The following TNFRSF10B variants were observed in gnomAD, a reference collection of about 807,000 sequenced individuals.
TNFRSF10B encodes tumor necrosis factor receptor superfamily member 10B.
Under a neutral mutation model 41.4 loss-of-function variants are expected in TNFRSF10B, and 35 were observed. The observed-to-expected ratio is 0.85, with a 90% CI of 0.65 to 1.12. TNFRSF10B has a LOEUF of 1.12. Ranked by LOEUF, TNFRSF10B falls within the 50% of genes most tolerant of loss-of-function variation. TNFRSF10B has a pLI of 0.00. For synonymous variants in TNFRSF10B, 230 were observed against 215.5 expected, an observed-to-expected ratio of 1.07 and a Z score of -0.59; for missense variants, 584 against 552.7, an observed-to-expected ratio of 1.06 and a Z score of -0.57.
At chr8:23,061,453 G>A (rs1326687023) in intron 1 of TNFRSF10B, among the ~76,000 whole-genome samples, 1 of 151,886 alleles carries the variant, frequency 6.6e-6, no homozygotes, top group Non-Finnish European at 1.5e-5. Flanking sequence ...AAATCTTTTG[G>A]ATTTTTTACC....
At chr8:23,027,945 AAAAC>A (rs535988088) in intron 5 of TNFRSF10B, 192 bp from the exon 6 acceptor site, 66 of 660,572 alleles carry the variant, frequency 1.0e-4, no homozygotes, top group Non-Finnish European at 1.4e-4. Context: ...AACTAGAGTA[AAAAC>A]AAACACTTGG....
chr8:23,022,416 C>A lies in TNFRSF10B; in HGVS notation c.*255G>T. 1 of 622,574 alleles carries A rather than the reference C, an allele frequency of 1.6e-6. No individual in the cohort carries two copies. 38.6% of individuals were successfully genotyped at this position (622,574 alleles called of 1,614,324 possible). ...AACAATGACATCCCAAACCAAATCT[C>A]AAAGTACGCACAAACGGAATGATCC... On this transcript the variant is annotated 3_prime_UTR_variant, in exon 9 of 9. Transcript: ENST00000276431.
At chr8:23,051,957 T>G (rs545856394) in intron 1 of TNFRSF10B, among the ~76,000 whole-genome samples, 3 of 152,206 alleles carry the variant, frequency 2.0e-5, no homozygotes, top group South Asian at 2.1e-4. Flanking sequence ...AATTATAAAC[T>G]AAGTTAATAA....
chr8:23,025,218 A>AGCTTTGT (rs1811667304), intron 7 of TNFRSF10B, among the ~76,000 whole-genome samples: 1 of 152,170 alleles, frequency 6.6e-6, no homozygotes. Flanking sequence ...AGAAGACCCA[A>AGCTTTGT]AATGCAAAGA....
chr8:23,030,891 G>T lies in TNFRSF10B; in HGVS notation c.251-19C>A. On this transcript the variant is annotated intron_variant, in intron 2 of 8. Transcript: ENST00000276431. ...TGGTGTCCTGGGAGGGGAGAGAAAA[G>T]CCGGTGAATGAAATGCCACAGGATT... The T allele has an allele frequency of 6.4e-7, 1 of 1,573,268 alleles. No homozygotes were observed. Among genetic ancestry groups the T allele is most frequent in the Non-Finnish European group, 8.7e-7 (1 of 1,150,886 alleles).
At chr8:23,051,672 G>A (rs369266579) in intron 1 of TNFRSF10B, among the ~76,000 whole-genome samples, 2 of 151,932 alleles carry the variant, frequency 1.3e-5, no homozygotes, top group East Asian at 3.9e-4. Flanking sequence ...AGCCTCCCGA[G>A]TAGCTGGGAC....
At chr8:23,031,504 C>A (rs191653555) in intron 2 of TNFRSF10B, among the ~76,000 whole-genome samples, 1 of 152,038 alleles carries the variant, frequency 6.6e-6, no homozygotes, top group South Asian at 2.1e-4. Context: ...CCCTCTCCCC[C>A]CGACCCACAA....
intron 7 of TNFRSF10B, among the ~76,000 whole-genome samples, chr8:23,026,681 A>T (rs1323188912): frequency 6.6e-6 from 1 of 152,242 alleles, no homozygotes; most frequent in Non-Finnish European, 1.5e-5. Flanking sequence ...CGTGTGTCCA[A>T]TACAAAAGCC....
Position 23,068,222 on chromosome 8 carries a change from C to T in TNFRSF10B, c.144+529G>A, listed in dbSNP as rs578138905. On this transcript the variant is annotated intron_variant, in intron 1 of 8. Transcript: ENST00000276431. Reference sequence around the variant, plus strand: ...TCTCCAGCTGCGCCCGCGACGACTCCCGCGCACGGAACGGAACCACTGGGC... The same window carrying T: ...TCTCCAGCTGCGCCCGCGACGACTCTCGCGCACGGAACGGAACCACTGGGC... 5.9e-4 allele frequency: 92 copies of T among 155,780 alleles called. 1 individual carries two copies. The highest frequency in any genetic ancestry group is 9.6e-4 in the Admixed American group (15 of 15,688). The allele number at this position is 155,780 out of a possible 1,614,324, so 9.6% of individuals were successfully genotyped here. A position where few individuals can be genotyped will look rare whatever the true frequency, so the allele number is the denominator to read the frequency against.
At chr8:23,024,556 C>T (rs553598702) in intron 7 of TNFRSF10B, among the ~76,000 whole-genome samples, 10 of 151,570 alleles carry the variant, frequency 6.6e-5, no homozygotes, top group East Asian at 5.8e-4. Context: ...AGTCTCACTC[C>T]GTCTCCCAGG....
chr8:23,066,272 G>T (rs976205609), intron 1 of TNFRSF10B, among the ~76,000 whole-genome samples: 1 of 151,976 alleles, frequency 6.6e-6, no homozygotes, highest in Non-Finnish European at 1.5e-5. Context: ...GACAGAGTAA[G>T]ACCCTGTCTC....
intron 1 of TNFRSF10B, among the ~76,000 whole-genome samples, chr8:23,057,989 G>A (rs1417415555): frequency 3.9e-5 from 6 of 152,160 alleles, no homozygotes; most frequent in African/African-American, 1.2e-4. Flanking sequence ...GTTCATGCCT[G>A]TAATCCCAGC....
Position 23,028,320 on chromosome 8 carries a change from C to T in TNFRSF10B, c.748+11G>A. On this transcript the variant is annotated intron_variant, in intron 5 of 8. Coordinates refer to ENST00000276431, the MANE Select transcript of TNFRSF10B (RefSeq NM_003842.5). ...GAGTGCCCTGTGCCCCCGCCCTCAG[C>T]CAGCACCTACCTGAGCAGATGCCTT... 1 of 1,613,962 alleles carries T rather than the reference C, an allele frequency of 6.2e-7. No individual in the cohort carries two copies. Among genetic ancestry groups the T allele is most frequent in the Non-Finnish European group, 8.5e-7 (1 of 1,179,992 alleles).
intron 1 of TNFRSF10B, 74 bp from the exon 2 acceptor site, chr8:23,043,317 T>C: frequency 8.1e-7 from 1 of 1,229,160 alleles, no homozygotes; most frequent in Non-Finnish European, 1.2e-6. Flanking sequence ...TCACATTCTC[T>C]TGAGCCCAGG....
rs1416357565 is a variant in TNFRSF10B, at chr8:23,020,663, GC to G, written c.*2007del. 4.4e-6 allele frequency: 2 copies of G among 454,052 alleles called. No individual in the cohort carries two copies. Among genetic ancestry groups the G allele is most frequent in the South Asian group, 3.1e-5 (2 of 64,428 alleles). 28.1% of individuals were successfully genotyped at this position (454,052 alleles called of 1,614,324 possible). On this transcript the variant is annotated 3_prime_UTR_variant, in exon 9 of 9. Coordinates refer to ENST00000276431, the MANE Select transcript of TNFRSF10B (RefSeq NM_003842.5). ...GCCAAGATCGTACCGTTGCACTCCA[GC>G]CTGGGCGAGAGAGTGAGATTCTGTC...
intron 5 of TNFRSF10B, chr8:23,028,129 A>G: frequency 1.5e-6 from 1 of 684,148 alleles, no homozygotes; most frequent in Middle Eastern, 4.1e-4. Flanking sequence ...GGGGACCCCC[A>G]GACCTGGGAG....
Position 23,024,335 on chromosome 8 carries a change from C to T in TNFRSF10B, c.937-75G>A. The T allele has an allele frequency of 1.9e-6, 3 of 1,545,524 alleles. No individual in the cohort carries two copies. In the South Asian group the frequency reaches 3.3e-5, roughly 17 times the overall value. ...TCCAGTACTGACCCCGACCACCAGC[C>T]AGCTCTGAGACCTGCAGCACGTCAC... is the stretch of plus-strand genomic sequence containing the variant. On this transcript the variant is annotated intron_variant, in intron 7 of 8. Transcript: ENST00000276431.
At chr8:23,045,668 C>T (rs951025253) in intron 1 of TNFRSF10B, among the ~76,000 whole-genome samples, 1 of 152,114 alleles carries the variant, frequency 6.6e-6, no homozygotes, top group Non-Finnish European at 1.5e-5. Context: ...CTCTAATAAA[C>T]ACAGATGCAA....
At chr8:23,068,389 G>C (rs962931693) in intron 1 of TNFRSF10B, 24 of 336,336 alleles carry the variant, frequency 7.1e-5, no homozygotes, top group African/African-American at 5.3e-4. Context: ...GGGAAAGAAA[G>C]GAAGAAAGAG....
Sources: allele counts gnomAD v4.1 joint callset (sites outside exome capture counted in the v4.1 genomes callset), GRCh38; gene constraint gnomAD v4.1.1; transcripts MANE v1.5; gene names NCBI Gene and HGNC (gene_info 2026-07-23, HGNC 2026-07-21).